Variants in STON2 observed in about 807,000 individuals in gnomAD.
The protein encoded by STON2 is stonin-2.
A neutral mutation model predicts 65.7 loss-of-function variants in STON2; 29 were observed. That is an observed-to-expected ratio of 0.44 (90% confidence interval 0.33 to 0.60). The LOEUF (loss-of-function observed/expected upper bound fraction) is 0.60, where lower values mean the gene tolerates loss of function less well. Ranked by LOEUF, STON2 falls within the 20% of genes least tolerant of loss-of-function variation. The pLI, the probability that STON2 is intolerant of heterozygous loss-of-function variation, is 0.03. For missense variants in STON2, 1,054 were observed against 1,118.1 expected (o/e 0.94, Z 0.82); for synonymous variants, 404 against 414.2 (o/e 0.98, Z 0.30).
chr14:81,274,892 G>A (rs560966852), intron 6 of STON2, among the ~76,000 whole-genome samples: 4 of 152,066 alleles, frequency 2.6e-5, no homozygotes, highest in South Asian at 2.1e-4. Flanking sequence ...GCAACACAGC[G>A]AGACTTCATT....
rs1898649624 is a variant in STON2 at position 81,364,851 on chromosome 14, G to A, written c.571+6137C>T. On this transcript the variant is annotated intron_variant, in intron 4 of 7. Coordinates refer to ENST00000614646, the MANE Select transcript of STON2 (RefSeq NM_001394390.1). Reference sequence around the variant, plus strand: ...GGATACAAACATCAGGGATGCAGACGATTTTAGCCACCCGTATGGTAAATC... The same window carrying A: ...GGATACAAACATCAGGGATGCAGACAATTTTAGCCACCCGTATGGTAAATC... Among the ~76,000 whole-genome samples, 6 of 152,092 alleles carry A rather than the reference G, an allele frequency of 3.9e-5. No homozygotes were observed. In the South Asian group the frequency reaches 1.0e-3, roughly 26 times the overall value.
rs986301183 is a variant in STON2, at chr14:81,375,854, C to T, written c.374-4669G>A. Among the ~76,000 whole-genome samples the T allele has an allele frequency of 2.0e-5, 3 of 149,792 alleles. No homozygotes were observed. In the Admixed American group the frequency reaches 2.0e-4, roughly 10 times the overall value. ...CAGACCACAAATACTGGTTATGATA[C>T]AATTAAGTATCTAGTTATCTAACTA... On this transcript the variant is annotated intron_variant, in intron 3 of 7. Coordinates refer to ENST00000614646, the MANE Select transcript of STON2 (RefSeq NM_001394390.1).
chr14:81,395,950 T>C lies in STON2; in HGVS notation c.317A>G (p.Glu106Gly). The change falls in exon 3 of 8, where the codon GAA becomes GGA. Residue 106 changes from glutamate (E) to glycine (G), a missense_variant. Physicochemically the swap from Glu to Gly is moderately conservative, Grantham distance 98. Transcript: ENST00000614646. ...TGTGCTGGCCCAGGGTGTGTCATCT[T>C]CAAACTGAACCCAGTTGCTGATGGC... is the stretch of plus-strand genomic sequence containing the variant. ...ASAISNWVQFEDDTPWASTSP... is the reference protein window; with the variant it reads ...ASAISNWVQFGDDTPWASTSP... The C allele has an allele frequency of 2.5e-6, 4 of 1,614,148 alleles. No individual in the cohort carries two copies. In the South Asian group the frequency reaches 4.4e-5, roughly 18 times the overall value.
chr14:81,367,153 G>A (rs1256232336), intron 4 of STON2, among the ~76,000 whole-genome samples: 3 of 152,106 alleles, frequency 2.0e-5, no homozygotes, highest in African/African-American at 7.2e-5. Context: ...TGAAGCTCTC[G>A]ATAGCTCATC....
At position 81,285,301 on chromosome 14, in the gene STON2, A is replaced by G. The variant is rs542840631; in HGVS notation, c.743-6562T>C. 7.9e-5 allele frequency among the ~76,000 whole-genome samples: 12 copies of G among 152,354 alleles called. No homozygotes were observed. In the South Asian group the frequency reaches 2.5e-3, roughly 32 times the overall value. On this transcript the variant is annotated intron_variant, in intron 5 of 7. Transcript: ENST00000614646. ...CCATTACAAACATCTGTGATTCATG[A>G]GAGAAGTTAACATTCACAGGAGTTT...
intron 4 of STON2, among the ~76,000 whole-genome samples, chr14:81,362,990 G>A (rs867772003): frequency 2.6e-5 from 4 of 152,268 alleles, no homozygotes; most frequent in Middle Eastern, 6.8e-3. Context: ...AAATGTGGCG[G>A]AGGCAGCACT....
intron 2 of STON2, among the ~76,000 whole-genome samples, chr14:81,411,478 A>T (rs1359923350): frequency 1.3e-5 from 2 of 152,228 alleles, no homozygotes; most frequent in Non-Finnish European, 2.9e-5. Flanking sequence ...AGGCCAAGGC[A>T]GGTGGATCAC....
chr14:81,338,346 T>C lies in STON2; in HGVS notation c.572-14159A>G, dbSNP rs926989064. Among the ~76,000 whole-genome samples the C allele has an allele frequency of 5.9e-5, 9 of 152,254 alleles. No individual in the cohort carries two copies. In the South Asian group the frequency reaches 6.2e-4, roughly 11 times the overall value. On this transcript the variant is annotated intron_variant, in intron 4 of 7. Coordinates refer to ENST00000614646, the MANE Select transcript of STON2 (RefSeq NM_001394390.1). The stretch of plus-strand genomic sequence containing the variant: ...TCATGCCTATGTAATAAAGCCTCCA[T>C]AGAAAACCAAAAGGACAGGGTTCAG...
chr14:81,354,510 A>G (rs1462004904), intron 4 of STON2, among the ~76,000 whole-genome samples: 3 of 152,208 alleles, frequency 2.0e-5, no homozygotes, highest in Admixed American at 6.5e-5. Context: ...ACAAAGCTCC[A>G]ACGATGGGCC....
At position 81,262,473 on chromosome 14, in the gene STON2, AACTTT is replaced by A; in HGVS notation, c.*5936_*5940del. The A allele has an allele frequency of 1.0e-6, 1 of 983,454 alleles. No homozygotes were observed. The highest frequency in any genetic ancestry group is 1.2e-6 in the Non-Finnish European group (1 of 828,058). 60.9% of individuals were successfully genotyped at this position (983,454 alleles called of 1,614,324 possible). On this transcript the variant is annotated 3_prime_UTR_variant, in exon 8 of 8. Coordinates refer to ENST00000614646, the MANE Select transcript of STON2 (RefSeq NM_001394390.1). ...ATTTTTCCTGGAGCTTCTTACTTTT[AACTTT>A]AAGAGATGGCTTCTAGTTCAAGTAT...
intron 1 of STON2, among the ~76,000 whole-genome samples, chr14:81,429,429 C>T (rs1454685493): frequency 1.3e-5 from 2 of 152,192 alleles, no homozygotes; most frequent in African/African-American, 4.8e-5. Context: ...TTTATATAGA[C>T]GTTTGACATC....
chr14:81,288,065 T>C (rs757042389), intron 5 of STON2, among the ~76,000 whole-genome samples: 1 of 152,258 alleles, frequency 6.6e-6, no homozygotes, highest in Non-Finnish European at 1.5e-5. Flanking sequence ...TTCTGCTTTA[T>C]AAATTAGTTC....
At chr14:81,353,919 A>G (rs188571138) in intron 4 of STON2, among the ~76,000 whole-genome samples, 7 of 152,322 alleles carry the variant, frequency 4.6e-5, no homozygotes, top group Non-Finnish European at 7.3e-5. Flanking sequence ...CTGATCTGCC[A>G]TACCTAGGAG....
chr14:81,385,531 G>A (rs1391641493), intron 3 of STON2, among the ~76,000 whole-genome samples: 1 of 152,152 alleles, frequency 6.6e-6, no homozygotes, highest in African/African-American at 2.4e-5. Context: ...TATGAAAATA[G>A]CTGAAAAGAA....
chr14:81,429,122 G>A (rs1357536489), intron 1 of STON2, among the ~76,000 whole-genome samples: 1 of 152,228 alleles, frequency 6.6e-6, no homozygotes, highest in Non-Finnish European at 1.5e-5. Context: ...ACCCTTTGGG[G>A]TCACAGCTGA....
intron 4 of STON2, among the ~76,000 whole-genome samples, chr14:81,359,405 C>T (rs569182653): frequency 1.4e-4 from 22 of 152,216 alleles, no homozygotes; most frequent in African/African-American, 2.2e-4. Flanking sequence ...AAAAGTTTAT[C>T]GCAATGAACA....
chr14:81,382,476 T>C (rs1899572107), intron 3 of STON2, among the ~76,000 whole-genome samples: 1 of 152,002 alleles, frequency 6.6e-6, no homozygotes, highest in African/African-American at 2.4e-5. Flanking sequence ...TTGATGCATG[T>C]GTAGGTAGTA....
Position 81,263,652 on chromosome 14 carries a change from C to T in STON2, c.*4762G>A. 1 of 812,456 alleles carries T rather than the reference C, an allele frequency of 1.2e-6. No individual in the cohort carries two copies. Among genetic ancestry groups the T allele is most frequent in the Non-Finnish European group, 1.5e-6 (1 of 672,654 alleles). 50.3% of individuals were successfully genotyped at this position (812,456 alleles called of 1,614,324 possible). ...TGTGTGACCCAAGACAATTCTTCTTCCTATGTGGCCCAGGGAAGCCAAAAG... is the reference window on the plus strand; with the variant it reads ...TGTGTGACCCAAGACAATTCTTCTTTCTATGTGGCCCAGGGAAGCCAAAAG... On this transcript the variant is annotated 3_prime_UTR_variant, in exon 8 of 8. Transcript: ENST00000614646.
chr14:81,295,603 T>C (rs774242684), intron 5 of STON2, among the ~76,000 whole-genome samples: 77 of 152,146 alleles, frequency 5.1e-4, no homozygotes, highest in Non-Finnish European at 8.7e-4. Flanking sequence ...TGTCCTGAAG[T>C]GGCAGATGCC....
Sources: allele counts gnomAD v4.1 joint callset (sites outside exome capture counted in the v4.1 genomes callset), GRCh38; gene constraint gnomAD v4.1.1; transcripts MANE v1.5; gene names NCBI Gene and HGNC (gene_info 2026-07-23, HGNC 2026-07-21).